The following BRWD1 variants were observed in gnomAD, a reference collection of about 807,000 sequenced individuals.
BRWD1 encodes the protein bromodomain and WD repeat-containing protein 1.
A neutral mutation model predicts 251.2 loss-of-function variants in BRWD1; 82 were observed. The ratio of observed to expected loss-of-function variants is 0.33; its 90% confidence interval spans 0.27 to 0.39. The LOEUF (loss-of-function observed/expected upper bound fraction) is 0.39, where lower values mean the gene tolerates loss of function less well. Ranked by LOEUF, BRWD1 falls within the 10% of genes least tolerant of loss-of-function variation. BRWD1 has a pLI of 1.00. For missense variants in BRWD1, 2,233 were observed against 2,711.6 expected (o/e 0.82, Z 3.92); for synonymous variants, 918 against 902.8 (o/e 1.02, Z -0.30).
chr21:39,184,333 C>G (rs1485419478), downstream of BRWD1: 1 of 152,040 alleles, frequency 6.6e-6, no homozygotes, highest in Non-Finnish European at 1.5e-5. Context: ...TTTAAATAGC[C>G]TTTAATAAGC....
At chr21:39,226,993 A>C (rs1332561006) in intron 27 of BRWD1, among the ~76,000 whole-genome samples, 1 of 152,140 alleles carries the variant, frequency 6.6e-6, no homozygotes, top group Non-Finnish European at 1.5e-5. Flanking sequence ...CACATGGTGC[A>C]GCTTCCAGAA....
chr21:39,312,961 G>GGGGGGCC lies in BRWD1; in HGVS notation c.139-68_139-62dup, dbSNP rs1236209017. On this transcript the variant is annotated intron_variant, in intron 3 of 40. Coordinates refer to ENST00000342449, the MANE Select transcript of BRWD1 (RefSeq NM_033656.4). ...CTCCGGCGCGGGGGGGGCGGGGGGC[G>GGGGGGCC]GGGGGCCGGGGGCGGGCGGCGGGCG... is the stretch of plus-strand genomic sequence containing the variant. 2.3e-3 allele frequency: 1,001 copies of GGGGGGCC among 434,728 alleles called. 56 individuals carry two copies. Among genetic ancestry groups the GGGGGGCC allele is most frequent in the African/African-American group, 0.021 (866 of 42,078 alleles). The allele number at this position is 434,728 out of a possible 1,614,324, so 26.9% of individuals were successfully genotyped here.
chr21:39,297,087 C>T, intron 5 of BRWD1: 5 of 985,364 alleles, frequency 5.1e-6, no homozygotes, highest in Non-Finnish European at 6.0e-6. Flanking sequence ...AATTCAAAGT[C>T]CATCCCTCCT....
intron 5 of BRWD1, 54 bp downstream of exon 5, chr21:39,298,378 T>C: frequency 6.8e-7 from 1 of 1,470,138 alleles, no homozygotes; most frequent in Non-Finnish European, 9.0e-7. Flanking sequence ...TTCACAATTA[T>C]AATAATTATT....
At chr21:39,251,738 T>C (rs2034400396) in intron 19 of BRWD1, among the ~76,000 whole-genome samples, 1 of 152,192 alleles carries the variant, frequency 6.6e-6, no homozygotes, top group Non-Finnish European at 1.5e-5. Context: ...CACTGCTTTA[T>C]GTGTGTTTAA....
At chr21:39,261,173 C>T (rs1286750009) in intron 17 of BRWD1, among the ~76,000 whole-genome samples, 4 of 151,706 alleles carry the variant, frequency 2.6e-5, no homozygotes, top group South Asian at 2.1e-4. Flanking sequence ...TGCAATAAGC[C>T]GAGATCACAC....
intron 40 of BRWD1, among the ~76,000 whole-genome samples, chr21:39,198,533 C>A (rs527779936): frequency 7.9e-5 from 12 of 151,986 alleles, no homozygotes; most frequent in Non-Finnish European, 1.8e-4. Context: ...GTTCTTAAGG[C>A]CAAGATTGCC....
In BRWD1 at chr21:39,199,312, C is replaced by A. The variant is rs980590601; in HGVS notation, c.5104G>T (p.Val1702Leu). ...CTCTGGGCAGTGTGAGAACTGGACA[C>A]TGGTAATAGTTGATTTTCATCTTTT... ...ELKDENQLLP[V>L]SSSHTAQSNV... The change falls in exon 40 of 41, where the codon GTG becomes TTG. Residue 1702 changes from valine to leucine, a missense_variant. By Grantham distance (32) the Val-to-Leu change is conservative. Transcript: ENST00000342449. 6.2e-7 allele frequency: 1 copy of A among 1,614,064 alleles called. No homozygotes were observed. Among genetic ancestry groups the A allele is most frequent in the Non-Finnish European group, 8.5e-7 (1 of 1,180,032 alleles).
chr21:39,312,724 G>GC (rs1467524224), intron 4 of BRWD1, 117 bp downstream of exon 4: 5 of 613,362 alleles, frequency 8.2e-6, no homozygotes, highest in East Asian at 4.2e-5. Context: ...TCCCCGGGCC[G>GC]CCCCCCAGTG....
At chr21:39,244,921 A>AATATATATATATATATATATAT (rs56801824) in intron 21 of BRWD1, among the ~76,000 whole-genome samples, 3,789 of 111,220 alleles carry the variant, frequency 0.034, 163 homozygotes, top group Non-Finnish European at 0.044. Flanking sequence ...CTTTGGAAGA[A>AATATATATATATATATATATAT]ATATATATAT....
chr21:39,286,194 A>G (rs1330153297), intron 8 of BRWD1, among the ~76,000 whole-genome samples: 1 of 151,334 alleles, frequency 6.6e-6, no homozygotes, highest in Non-Finnish European at 1.5e-5. Context: ...TTGTTTTTAT[A>G]TTATTAGTAG....
intron 4 of BRWD1, among the ~76,000 whole-genome samples, chr21:39,305,527 G>C (rs112791299): frequency 0.019 from 2,944 of 152,172 alleles, 56 homozygotes; most frequent in Non-Finnish European, 0.03. Context: ...AGGAGTTTGA[G>C]ACACCAGCCT....
intron 10 of BRWD1, among the ~76,000 whole-genome samples, chr21:39,278,031 T>TA (rs2035332910): frequency 6.6e-6 from 1 of 152,016 alleles, no homozygotes; most frequent in Non-Finnish European, 1.5e-5. Context: ...TGTTTTTTTT[T>TA]AGAGATGGGT....
intron 36 of BRWD1, among the ~76,000 whole-genome samples, chr21:39,207,053 C>CAT (rs1183573974): frequency 3.9e-5 from 6 of 152,106 alleles, no homozygotes; most frequent in African/African-American, 7.2e-5. Flanking sequence ...TTCTCATATA[C>CAT]ATATATATAT....
intron 40 of BRWD1, among the ~76,000 whole-genome samples, chr21:39,198,079 AAACTCCCCGT>A (rs1190253885): frequency 6.6e-6 from 1 of 152,144 alleles, no homozygotes; most frequent in East Asian, 1.9e-4. Flanking sequence ...AGCCTCTCTG[AAACTCCCCGT>A]AACTCCCCAA....
intron 11 of BRWD1, 90 bp downstream of exon 11, chr21:39,277,161 A>G: frequency 1.2e-6 from 1 of 801,226 alleles, no homozygotes; most frequent in East Asian, 3.1e-5. Context: ...AAAATTAAAA[A>G]TAAAAGTAGA....
chr21:39,282,041 T>C (rs894758112), intron 8 of BRWD1, among the ~76,000 whole-genome samples: 2 of 151,716 alleles, frequency 1.3e-5, no homozygotes, highest in African/African-American at 4.8e-5. Flanking sequence ...AGTATATGTA[T>C]GTACATATGT....
chr21:39,286,091 T>G (rs981376322), intron 8 of BRWD1, among the ~76,000 whole-genome samples: 13 of 146,334 alleles, frequency 8.9e-5, no homozygotes, highest in African/African-American at 3.3e-4. Context: ...CTCGGCTCAC[T>G]GCAAGCTCCG....
chr21:39,208,869 T>C (rs1462578805), intron 36 of BRWD1, among the ~76,000 whole-genome samples: 1 of 152,030 alleles, frequency 6.6e-6, no homozygotes, highest in African/African-American at 2.4e-5. Flanking sequence ...TTTGAAAAGT[T>C]ACCCAATGTG....
Sources: gnomAD v4.1 joint callset for allele counts (sites outside exome capture counted in the v4.1 genomes callset) on GRCh38, gnomAD v4.1.1 for gene constraint, MANE v1.5 for transcripts, NCBI Gene and HGNC (gene_info 2026-07-23, HGNC 2026-07-21) for gene names.